The following CUL3 variants were observed in gnomAD, a reference collection of about 807,000 sequenced individuals.
CUL3 encodes the protein cullin-3.
CUL3 carries 19 observed loss-of-function variants against 89.1 expected under a neutral mutation model. The observed-to-expected ratio is 0.21, with a 90% CI of 0.15 to 0.31. The LOEUF is 0.31. Among genes scored for constraint, CUL3 ranks in the 10% least tolerant of loss-of-function variants. The pLI, the probability that CUL3 is intolerant of heterozygous loss-of-function variation, is 1.00. For missense variants in CUL3, 469 were observed against 942.3 expected (o/e 0.50, Z 6.58); for synonymous variants, 351 against 308.4 (o/e 1.14, Z -1.45).
At chr2:224,513,997 AC>A (rs1692940845) in intron 4 of CUL3, among the ~76,000 whole-genome samples, 1 of 152,242 alleles carries the variant, frequency 6.6e-6, no homozygotes, top group African/African-American at 2.4e-5. Context: ...GGGCAATATA[AC>A]TTTTTGCACT....
At chr2:224,487,860 C>A (rs1691795920) in intron 13 of CUL3, among the ~76,000 whole-genome samples, 1 of 152,180 alleles carries the variant, frequency 6.6e-6, no homozygotes, top group African/African-American at 2.4e-5. Context: ...AAACACTCCT[C>A]AGCAAATGCA....
chr2:224,510,970 CTT>C (rs1692802316), intron 6 of CUL3, among the ~76,000 whole-genome samples: 1 of 152,098 alleles, frequency 6.6e-6, no homozygotes. Flanking sequence ...AAGGTGGAAA[CTT>C]AAGGTTTTAA....
chr2:224,503,942 T>C (rs984205302), intron 8 of CUL3, 120 bp from the exon 9 acceptor site: 3 of 716,798 alleles, frequency 4.2e-6, no homozygotes, highest in African/African-American at 3.6e-5. Flanking sequence ...TTGACATACA[T>C]CAAAAAAAGG....
At chr2:224,540,401 A>G (rs1165115459) in intron 2 of CUL3, among the ~76,000 whole-genome samples, 1 of 151,614 alleles carries the variant, frequency 6.6e-6, no homozygotes, top group Non-Finnish European at 1.5e-5. Context: ...CAAACTTTAT[A>G]TTTAAAAAAA....
rs10612010 is a variant in CUL3 at position 224,470,712 on chromosome 2, CCT to C, written c.*3531_*3532del. The C allele has an allele frequency of 0.011, 2,621 of 231,806 alleles. 66 individuals carry two copies. The highest frequency in any genetic ancestry group is 0.054 in the African/African-American group (2,440 of 45,374). The allele number at this position is 231,806 out of a possible 1,614,324, so 14.4% of individuals were successfully genotyped here. On this transcript the variant is annotated 3_prime_UTR_variant, in exon 16 of 16. Transcript: ENST00000264414. ...TTCCAGAATAGCAGCAATCACCTTC[CCT>C]GTTTTCCTTCCTACCAAAAGTTGGT... is the stretch of plus-strand genomic sequence containing the variant.
chr2:224,583,366 A>C (rs1308408789), intron 1 of CUL3, among the ~76,000 whole-genome samples: 1 of 152,224 alleles, frequency 6.6e-6, no homozygotes, highest in African/African-American at 2.4e-5. Context: ...TTGTCTCAAA[A>C]AAAAAGAAAA....
intron 3 of CUL3, among the ~76,000 whole-genome samples, chr2:224,526,046 A>G (rs2106245838): frequency 6.6e-6 from 1 of 152,334 alleles, no homozygotes; most frequent in South Asian, 2.1e-4. Flanking sequence ...AGTTCGTGAA[A>G]TATGACCATT....
intron 8 of CUL3, 133 bp downstream of exon 8, chr2:224,505,823 A>G (rs1003157218): frequency 2.0e-6 from 1 of 493,422 alleles, no homozygotes; most frequent in Admixed American, 4.1e-5. Flanking sequence ...ATATTTTTTA[A>G]TAGACCATGG....
Position 224,470,782 on chromosome 2 carries a change from A to G in CUL3, c.*3463T>C, listed in dbSNP as rs76433087. 4.3e-3 allele frequency: 1,006 copies of G among 231,746 alleles called. 13 individuals are homozygous for G. Among genetic ancestry groups the G allele is most frequent in the African/African-American group, 0.02 (924 of 45,402 alleles). The allele number at this position is 231,746 out of a possible 1,614,324, so 14.4% of individuals were successfully genotyped here. On this transcript the variant is annotated 3_prime_UTR_variant, in exon 16 of 16. Coordinates refer to ENST00000264414, the MANE Select transcript of CUL3 (RefSeq NM_003590.5). ...AGCTAACAAAAATGTGCAAAATTCC[A>G]TATTGCAATGCTTCATGTATTAACT...
intron 13 of CUL3, among the ~76,000 whole-genome samples, chr2:224,487,443 CAAA>C (rs530054431): frequency 0.039 from 1,096 of 27,778 alleles, 20 homozygotes; most frequent in African/African-American, 0.13. Flanking sequence ...CCGCCCCCCC[CAAA>C]AAAAAAAAAA....
intron 3 of CUL3, chr2:224,532,915 CATAAA>C (rs1403016177): frequency 6.6e-6 from 1 of 152,112 alleles, no homozygotes; most frequent in Non-Finnish European, 1.5e-5. Context: ...AAAAGAAAAA[CATAAA>C]AGGGGAGAAA....
chr2:224,500,040 A>G (rs148482097), intron 11 of CUL3: 29 of 230,042 alleles, frequency 1.3e-4, no homozygotes, highest in Non-Finnish European at 2.0e-4. Context: ...AAGTGTTCAG[A>G]AAAGTCCAAG....
At chr2:224,547,838 T>C (rs1356851707) in intron 2 of CUL3, among the ~76,000 whole-genome samples, 2 of 152,282 alleles carry the variant, frequency 1.3e-5, no homozygotes, top group Middle Eastern at 3.4e-3. Context: ...AAAGGAAGTC[T>C]GTTTAATTGA....
At chr2:224,505,280 G>C (rs916080806) in intron 8 of CUL3, among the ~76,000 whole-genome samples, 1 of 151,956 alleles carries the variant, frequency 6.6e-6, no homozygotes, top group Admixed American at 6.6e-5. Context: ...TGGGATTACA[G>C]GCATCCACCA....
At position 224,539,400 on chromosome 2, in the gene CUL3, T is replaced by C. The variant is rs926947416; in HGVS notation, c.265-3759A>G. Among the ~76,000 whole-genome samples the C allele has an allele frequency of 2.0e-5, 3 of 152,332 alleles. No individual in the cohort carries two copies. The East Asian group carries it at 5.8e-4, about 29-fold the overall frequency. On this transcript the variant is annotated intron_variant, in intron 2 of 15. Transcript: ENST00000264414. ...CTTTGGAAGGCAGTTTGGCAGTTTCTAACGAAACCAGACATACTCTTACCA... is the reference window on the plus strand; with the variant it reads ...CTTTGGAAGGCAGTTTGGCAGTTTCCAACGAAACCAGACATACTCTTACCA...
At chr2:224,584,821 C>T (rs2106331019) in intron 1 of CUL3, 123 bp downstream of exon 1, 1 of 546,192 alleles carries the variant, frequency 1.8e-6, no homozygotes, top group Non-Finnish European at 2.5e-6. Flanking sequence ...GCCCCGCGGC[C>T]GGCGGGCGTG....
At chr2:224,582,378 A>G (rs983181610) in intron 1 of CUL3, among the ~76,000 whole-genome samples, 1 of 152,248 alleles carries the variant, frequency 6.6e-6, no homozygotes, top group South Asian at 2.1e-4. Flanking sequence ...TTGAAGGTCT[A>G]TAAGCACACG....
At chr2:224,580,683 CAAAAAA>C (rs996865099) in intron 1 of CUL3, among the ~76,000 whole-genome samples, 10 of 146,596 alleles carry the variant, frequency 6.8e-5, no homozygotes, top group African/African-American at 2.0e-4. Context: ...GACTCTGTCT[CAAAAAA>C]GAAAAAAAAA....
chr2:224,574,221 T>G (rs949321275), intron 1 of CUL3, among the ~76,000 whole-genome samples: 3 of 152,192 alleles, frequency 2.0e-5, no homozygotes, highest in African/African-American at 7.2e-5. Flanking sequence ...CATTTCTCAT[T>G]TAAAGAGTAA....
Sources: gnomAD v4.1 joint callset for allele counts (sites outside exome capture counted in the v4.1 genomes callset) on GRCh38, gnomAD v4.1.1 for gene constraint, MANE v1.5 for transcripts, NCBI Gene and HGNC (gene_info 2026-07-23, HGNC 2026-07-21) for gene names.